MIPOL1: variants seen among roughly 807,000 people sequenced by gnomAD.
MIPOL1 encodes the protein mirror-image polydactyly 1.
Under a neutral mutation model 60.9 loss-of-function variants are expected in MIPOL1, and 57 were observed. The ratio of observed to expected loss-of-function variants is 0.94; its 90% CI spans 0.76 to 1.17. The LOEUF is 1.17. Ranked by LOEUF, MIPOL1 falls within the 50% of genes most tolerant of loss-of-function variation. The pLI, the probability that MIPOL1 is intolerant of heterozygous loss-of-function variation, is 0.00. For synonymous variants in MIPOL1, 179 were observed against 168.8 expected (o/e 1.06, Z -0.47); for missense variants, 551 against 511.6 (o/e 1.08, Z -0.74).
chr14:37,302,262 G>T (rs79717734), intron 7 of MIPOL1, among the ~76,000 whole-genome samples: 1,649 of 95,102 alleles, frequency 0.017, 21 homozygotes, highest in Middle Eastern at 0.031. Flanking sequence ...TGGAACTGTT[G>T]TTTTTTTTTT....
chr14:37,496,061 T>C (rs1391834640), intron 11 of MIPOL1, among the ~76,000 whole-genome samples: 1 of 152,058 alleles, frequency 6.6e-6, no homozygotes, highest in African/African-American at 2.4e-5. Flanking sequence ...GTGAAAATTT[T>C]ATCCCATTTT....
intron 1 of MIPOL1, among the ~76,000 whole-genome samples, chr14:37,202,731 C>T (rs1220480774): frequency 6.6e-6 from 1 of 152,190 alleles, no homozygotes; most frequent in Non-Finnish European, 1.5e-5. Flanking sequence ...TAGCTTCTGA[C>T]CGTACCTTCT....
At chr14:37,252,393 T>C (rs1264762373) in intron 3 of MIPOL1, among the ~76,000 whole-genome samples, 3 of 151,980 alleles carry the variant, frequency 2.0e-5, no homozygotes, top group Non-Finnish European at 4.4e-5. Context: ...AGTAAATATT[T>C]AACAATTTTT....
intron 12 of MIPOL1, among the ~76,000 whole-genome samples, chr14:37,529,429 A>G (rs2095467204): frequency 6.6e-6 from 1 of 152,226 alleles, no homozygotes; most frequent in Non-Finnish European, 1.5e-5. Context: ...ATACTGCTGC[A>G]GTAAACATAC....
At chr14:37,365,521 C>A (rs1024264067) in intron 9 of MIPOL1, among the ~76,000 whole-genome samples, 1 of 152,042 alleles carries the variant, frequency 6.6e-6, no homozygotes, top group Non-Finnish European at 1.5e-5. Context: ...GATTGATTTG[C>A]GTATGTTGAA....
intron 11 of MIPOL1, among the ~76,000 whole-genome samples, chr14:37,454,749 ATAAAG>A (rs1319532120): frequency 1.3e-5 from 2 of 152,190 alleles, no homozygotes; most frequent in African/African-American, 4.8e-5. Context: ...CATGTGGTAA[ATAAAG>A]TATTGTCAAA....
chr14:37,263,952 A>G (rs542452551), intron 3 of MIPOL1, among the ~76,000 whole-genome samples: 2 of 152,210 alleles, frequency 1.3e-5, no homozygotes, highest in Non-Finnish European at 2.9e-5. Context: ...CTAATATGCA[A>G]AACAGACCAA....
chr14:37,332,599 T>C (rs1199247216), intron 9 of MIPOL1, among the ~76,000 whole-genome samples: 2 of 152,132 alleles, frequency 1.3e-5, no homozygotes, highest in Non-Finnish European at 2.9e-5. Flanking sequence ...ATGAAGAAAA[T>C]TGTAAGGAAG....
In MIPOL1 at chr14:37,422,882, A is replaced by G. The variant is rs143891131; in HGVS notation, c.964A>G (p.Arg322Gly). The G allele has an allele frequency of 3.7e-6, 6 of 1,608,318 alleles. No individual in the cohort carries two copies. Among genetic ancestry groups the G allele is most frequent in the Non-Finnish European group, 3.4e-6 (4 of 1,176,650 alleles). The change falls in exon 11 of 13, where the codon AGA becomes GGA. Residue 322 changes from arginine to glycine, a missense_variant. Coordinates refer to ENST00000684589, the MANE Select transcript of MIPOL1 (RefSeq NM_001388067.1). ...AAAGTTGTTATCTATGCAACAAGCC[A>G]GAGAAACTGCAGTTCAACAGTACAA... ...KAKLLSMQQA[R>G]ETAVQQYKKL...
At chr14:37,466,939 G>A (rs2094605600) in intron 11 of MIPOL1, among the ~76,000 whole-genome samples, 2 of 152,298 alleles carry the variant, frequency 1.3e-5, no homozygotes, top group South Asian at 2.1e-4. Context: ...ATTAAAAAAG[G>A]CATATAATCA....
intron 9 of MIPOL1, among the ~76,000 whole-genome samples, chr14:37,344,430 T>C (rs577766899): frequency 1.3e-5 from 2 of 152,132 alleles, no homozygotes; most frequent in African/African-American, 4.8e-5. Context: ...TCCGTATATA[T>C]ACTTTTTTTT....
chr14:37,298,246 A>G (rs1426877086), intron 7 of MIPOL1, among the ~76,000 whole-genome samples: 2 of 152,224 alleles, frequency 1.3e-5, no homozygotes, highest in African/African-American at 4.8e-5. Flanking sequence ...CTGGTTAGCC[A>G]TATGTGGAAA....
intron 7 of MIPOL1, among the ~76,000 whole-genome samples, chr14:37,286,701 G>A (rs1454705039): frequency 6.6e-6 from 1 of 151,720 alleles, no homozygotes; most frequent in Non-Finnish European, 1.5e-5. Flanking sequence ...TTTGTTTTTT[G>A]TTTAGATTAA....
chr14:37,219,311 A>G (rs1355158105), intron 1 of MIPOL1, among the ~76,000 whole-genome samples: 1 of 152,220 alleles, frequency 6.6e-6, no homozygotes, highest in African/African-American at 2.4e-5. Flanking sequence ...CTAGTATAGT[A>G]AAGGGTTCAA....
intron 6 of MIPOL1, among the ~76,000 whole-genome samples, chr14:37,271,893 G>A (rs1282674691): frequency 6.6e-6 from 1 of 151,462 alleles, no homozygotes; most frequent in African/African-American, 2.4e-5. Context: ...TAATGTGTCT[G>A]CCCAGCCCAT....
chr14:37,465,634 G>A (rs1160144235), intron 11 of MIPOL1, among the ~76,000 whole-genome samples: 1 of 151,998 alleles, frequency 6.6e-6, no homozygotes, highest in Non-Finnish European at 1.5e-5. Flanking sequence ...TTAATTCAAT[G>A]TAGTATTTTC....
At chr14:37,222,765 A>G (rs1303174371) in intron 1 of MIPOL1, among the ~76,000 whole-genome samples, 1 of 152,120 alleles carries the variant, frequency 6.6e-6, no homozygotes, top group Admixed American at 6.5e-5. Context: ...CCTTAACAGA[A>G]TTGTCCTAAG....
At chr14:37,436,801 C>T (rs968110337) in intron 11 of MIPOL1, among the ~76,000 whole-genome samples, 3 of 152,116 alleles carry the variant, frequency 2.0e-5, no homozygotes, top group African/African-American at 7.2e-5. Context: ...GAATGTTTAC[C>T]TATAGTTAGG....
chr14:37,486,961 G>T (rs1474941997), intron 11 of MIPOL1, among the ~76,000 whole-genome samples: 1 of 152,138 alleles, frequency 6.6e-6, no homozygotes, highest in East Asian at 1.9e-4. Flanking sequence ...GTATGATATT[G>T]ACTGTGGGTT....
Sources: allele counts gnomAD v4.1 joint callset (sites outside exome capture counted in the v4.1 genomes callset), GRCh38; gene constraint gnomAD v4.1.1; transcripts MANE v1.5; gene names NCBI Gene and HGNC (gene_info 2026-07-23, HGNC 2026-07-21).